GATM: variants seen among roughly 807,000 people sequenced by gnomAD.
GATM encodes glycine amidinotransferase, mitochondrial.
In GATM, 23 loss-of-function variants were observed where a neutral mutation model predicts 54.2. That is an observed-to-expected ratio of 0.42 (90% confidence interval 0.31 to 0.60). GATM has a LOEUF of 0.60. Ranked by LOEUF, GATM falls within the 20% of genes least tolerant of loss-of-function variation. GATM has a pLI of 0.14. For missense variants in GATM, 401 were observed against 544.9 expected (o/e 0.74, Z 2.63); for synonymous variants, 168 against 183.1 (o/e 0.92, Z 0.67).
At chr15:45,389,796 T>C (rs944168507) in intron 3 of GATM, among the ~76,000 whole-genome samples, 3 of 152,208 alleles carry the variant, frequency 2.0e-5, no homozygotes, top group African/African-American at 7.2e-5. Flanking sequence ...CTTGGGGAGC[T>C]TGTTAAAAGG....
rs113129788 is a variant in GATM, at chr15:45,363,861, T to C, written c.1159+39A>G. Reference sequence around the variant, plus strand: ...TTTCTTTAGTTCTTCTCATTTAACGTTTTCATGTATGACAACATGTTTCAT... The same window carrying C: ...TTTCTTTAGTTCTTCTCATTTAACGCTTTCATGTATGACAACATGTTTCAT... On this transcript the variant is annotated intron_variant, in intron 8 of 8. Coordinates refer to ENST00000396659, the MANE Select transcript of GATM (RefSeq NM_001482.3). The C allele has an allele frequency of 4.4e-5, 53 of 1,211,346 alleles. No homozygotes were observed. The African/African-American group carries it at 5.1e-4, about 12-fold the overall frequency. The allele number at this position is 1,211,346 out of a possible 1,614,324, so 75.0% of individuals were successfully genotyped here. A position where few individuals can be genotyped will look rare whatever the true frequency, so the allele number is the denominator to read the frequency against.
chr15:45,362,752 A>T (rs1889383957), intron 8 of GATM, among the ~76,000 whole-genome samples: 1 of 152,240 alleles, frequency 6.6e-6, no homozygotes, highest in Admixed American at 6.5e-5. Context: ...TACCAAAGCA[A>T]ATCCAACAAT....
upstream of GATM, among the ~76,000 whole-genome samples, chr15:45,383,439 G>A (rs920391522): frequency 6.6e-6 from 1 of 152,154 alleles, no homozygotes; most frequent in Non-Finnish European, 1.5e-5. Context: ...GAAAACTGAG[G>A]AAGAAACATT....
chr15:45,399,144 G>C (rs944558707), intron 2 of GATM, among the ~76,000 whole-genome samples: 5 of 152,112 alleles, frequency 3.3e-5, no homozygotes, highest in Non-Finnish European at 7.4e-5. Flanking sequence ...AGCTAGAAAT[G>C]TTTCTAGGCT....
At chr15:45,364,072 G>A in intron 7 of GATM, 56 bp from the exon 8 acceptor site, 1 of 972,666 alleles carries the variant, frequency 1.0e-6, no homozygotes, top group Non-Finnish European at 1.7e-6. Context: ...TTTAAAGCAA[G>A]GATTTACAAG....
At chr15:45,366,619 A>T in intron 4 of GATM, 111 bp from the exon 5 acceptor site, 2 of 1,207,150 alleles carry the variant, frequency 1.7e-6, no homozygotes, top group Admixed American at 3.7e-5. Context: ...AAATATTACT[A>T]CTCAGTTCTA....
rs1889638552 is a variant in GATM at position 45,376,511 on chromosome 15, G to A, written c.288+90C>T. ...ACTTAATCACTGGATTGAGAGGTCTGGGAGTAAGCTGAAGGGAAAGCAGTC... is the reference window on the plus strand; with the variant it reads ...ACTTAATCACTGGATTGAGAGGTCTAGGAGTAAGCTGAAGGGAAAGCAGTC... On this transcript the variant is annotated intron_variant, in intron 2 of 8. Transcript: ENST00000396659. 5 of 1,056,738 alleles carry A rather than the reference G, an allele frequency of 4.7e-6. No homozygotes were observed. In the South Asian group the frequency reaches 5.0e-5, roughly 11 times the overall value. 65.5% of individuals were successfully genotyped at this position (1,056,738 alleles called of 1,614,324 possible).
At chr15:45,377,162 T>C (rs1595486066) in intron 1 of GATM, 2 of 462,112 alleles carry the variant, frequency 4.3e-6, no homozygotes, top group Admixed American at 5.0e-5. Context: ...GATGGGTCAG[T>C]CCTCCTCTCA....
At chr15:45,391,771 T>C (rs994707883) in intron 3 of GATM, among the ~76,000 whole-genome samples, 4 of 152,226 alleles carry the variant, frequency 2.6e-5, no homozygotes, top group Non-Finnish European at 5.9e-5. Context: ...TCTGGCTTCA[T>C]TGATTGAATT....
chr15:45,397,808 G>A (rs920131000), intron 2 of GATM, among the ~76,000 whole-genome samples: 8 of 152,128 alleles, frequency 5.3e-5, no homozygotes, highest in Non-Finnish European at 1.0e-4. Context: ...TTGAGGGACT[G>A]GGCCCTGAAC....
intron 1 of GATM, chr15:45,377,515 T>C: frequency 3.0e-6 from 1 of 328,932 alleles, no homozygotes; most frequent in Non-Finnish European, 5.9e-6. Flanking sequence ...ATCTAAAAAC[T>C]TCAAAAGCCT....
At chr15:45,370,182 C>T (rs1889516614) in intron 2 of GATM, among the ~76,000 whole-genome samples, 1 of 152,058 alleles carries the variant, frequency 6.6e-6, no homozygotes, top group Admixed American at 6.5e-5. Context: ...TCAAGACCAG[C>T]CTGGCCAACA....
chr15:45,399,486 A>G (rs1052474281), intron 2 of GATM: 7 of 152,358 alleles, frequency 4.6e-5, no homozygotes, highest in African/African-American at 1.4e-4. Flanking sequence ...TGAGGGAGCT[A>G]GCTAGTCCCT....
chr15:45,382,119 C>T (rs578000970), upstream of GATM, among the ~76,000 whole-genome samples: 3 of 152,160 alleles, frequency 2.0e-5, no homozygotes, highest in South Asian at 2.1e-4. Context: ...GCCAACCTAT[C>T]GGAGTCTGTT....
chr15:45,390,455 T>C (rs977544542), intron 3 of GATM, among the ~76,000 whole-genome samples: 4 of 152,206 alleles, frequency 2.6e-5, no homozygotes, highest in Non-Finnish European at 4.4e-5. Context: ...TAAATGACCT[T>C]TGATGCTATG....
chr15:45,402,107 T>C (rs1160791587), exon 1 of GATM: 4 of 349,970 alleles, frequency 1.1e-5, no homozygotes, highest in African/African-American at 8.6e-5. Flanking sequence ...CCAAGATATA[T>C]GTAACCACCA....
chr15:45,385,252 C>T (rs956014444), intron 3 of GATM, among the ~76,000 whole-genome samples: 166 of 152,172 alleles, frequency 1.1e-3, no homozygotes, highest in African/African-American at 3.9e-3. Context: ...TGGACCTTCT[C>T]CCTCATCTCA....
intron 3 of GATM, among the ~76,000 whole-genome samples, chr15:45,396,643 G>A (rs1889934576): frequency 6.6e-6 from 1 of 151,994 alleles, no homozygotes; most frequent in African/African-American, 2.4e-5. Context: ...AGCTGAGGTG[G>A]GCGGGTCATG....
chr15:45,391,147 G>A (rs1214051847), intron 3 of GATM, among the ~76,000 whole-genome samples: 1 of 151,982 alleles, frequency 6.6e-6, no homozygotes, highest in Non-Finnish European at 1.5e-5. Context: ...GCTCATGCCT[G>A]TAATCCCAGC....
Sources: gnomAD v4.1 joint callset for allele counts (sites outside exome capture counted in the v4.1 genomes callset) on GRCh38, gnomAD v4.1.1 for gene constraint, MANE v1.5 for transcripts, NCBI Gene and HGNC (gene_info 2026-07-23, HGNC 2026-07-21) for gene names.